The following INPP5A variants were observed in gnomAD, a reference collection of about 807,000 sequenced individuals.
INPP5A encodes 43 kDa inositol polyphosphate 5-phophatase.
A neutral mutation model predicts 65.2 loss-of-function variants in INPP5A; 14 were observed. That is an observed-to-expected ratio of 0.21 (90% confidence interval 0.14 to 0.34). INPP5A has a LOEUF of 0.34. INPP5A is among the 10% of genes least tolerant of loss of function. The pLI is 1.00. For missense variants in INPP5A, 431 were observed against 545.6 expected (o/e 0.79, Z 2.09); for synonymous variants, 207 against 208.3 (o/e 0.99, Z 0.05).
rs569881052 is a variant in INPP5A at position 132,651,938 on chromosome 10, C to A, written c.306+1433C>A. Among the ~76,000 whole-genome samples the A allele has an allele frequency of 7.9e-5, 12 of 152,302 alleles. No homozygotes were observed. Among genetic ancestry groups the A allele is most frequent in the African/African-American group, 2.9e-4 (12 of 41,576 alleles). Reference sequence around the variant, plus strand: ...CTCTCCTCACGCTCTGTGGGGCACACGGGGACCACGGGGCCCCCACTCACA... The same window carrying A: ...CTCTCCTCACGCTCTGTGGGGCACAAGGGGACCACGGGGCCCCCACTCACA... On this transcript the variant is annotated intron_variant, in intron 4 of 15. Transcript: ENST00000368594. The surrounding 1 kb of genome is among the most constrained non-coding windows in gnomAD (Gnocchi z 5.0).
At chr10:132,680,927 G>A (rs2073034545) in intron 4 of INPP5A, among the ~76,000 whole-genome samples, 1 of 152,236 alleles carries the variant, frequency 6.6e-6, no homozygotes, top group Non-Finnish European at 1.5e-5. Flanking sequence ...CCATGCCTGA[G>A]CCTCCCACCC....
intron 1 of INPP5A, among the ~76,000 whole-genome samples, chr10:132,579,108 G>A (rs745862084): frequency 2.6e-5 from 4 of 152,158 alleles, no homozygotes; most frequent in Non-Finnish European, 4.4e-5. Context: ...GGTGCGTGCC[G>A]GGCAGCTGTG....
At chr10:132,713,519 A>G (rs892710825) in intron 8 of INPP5A, among the ~76,000 whole-genome samples, 1 of 152,100 alleles carries the variant, frequency 6.6e-6, no homozygotes, top group Non-Finnish European at 1.5e-5. Flanking sequence ...TAGCGGGTAT[A>G]TGGCCTTGGC....
intron 4 of INPP5A, among the ~76,000 whole-genome samples, chr10:132,672,804 C>T (rs529364312): frequency 6.6e-6 from 1 of 152,326 alleles, no homozygotes; most frequent in African/African-American, 2.4e-5. Flanking sequence ...GACCCCACGC[C>T]TTCCACGCCC....
chr10:132,733,562 G>A (rs145556099), intron 9 of INPP5A, among the ~76,000 whole-genome samples: 3 of 152,294 alleles, frequency 2.0e-5, no homozygotes, highest in African/African-American at 7.2e-5. Flanking sequence ...TTTAAAAAAG[G>A]TTTCTGACTG....
At chr10:132,735,455 G>A (rs1346020949) in intron 9 of INPP5A, among the ~76,000 whole-genome samples, 7 of 152,228 alleles carry the variant, frequency 4.6e-5, no homozygotes, top group African/African-American at 1.4e-4. Context: ...GGGGGCAGGC[G>A]GTGCCCGGTG....
intron 3 of INPP5A, among the ~76,000 whole-genome samples, chr10:132,647,347 T>C (rs903405808): frequency 6.6e-6 from 1 of 152,146 alleles, no homozygotes; most frequent in Admixed American, 6.5e-5. Flanking sequence ...CTCAATCTCC[T>C]GACCTTGTGA....
At chr10:132,619,304 A>C (rs1233509050) in intron 2 of INPP5A, among the ~76,000 whole-genome samples, 1 of 152,240 alleles carries the variant, frequency 6.6e-6, no homozygotes, top group Non-Finnish European at 1.5e-5. Context: ...TAGGGCGGCT[A>C]TTAAATCTTA....
rs560329364 is a variant in INPP5A, at chr10:132,782,080, C to T, written c.*51C>T. On this transcript the variant is annotated 3_prime_UTR_variant, in exon 16 of 16. Coordinates refer to ENST00000368594, the MANE Select transcript of INPP5A (RefSeq NM_005539.5). This position sits in a 1 kb window ranked among gnomAD's most constrained non-coding sequence, Gnocchi z 4.4. ...ACGAGAGGACACTTCGTGAGCCTCC[C>T]TGTAGCCGTGGACCGAATACGCACT... 4 of 1,548,580 alleles carry T rather than the reference C, an allele frequency of 2.6e-6. No individual in the cohort carries two copies. In the Admixed American group the frequency reaches 7.8e-5, roughly 30 times the overall value.
At chr10:132,774,812 G>C (rs1038286642) in intron 12 of INPP5A, among the ~76,000 whole-genome samples, 4 of 148,050 alleles carry the variant, frequency 2.7e-5, no homozygotes, top group African/African-American at 5.0e-5. Context: ...GAGAGGGGCA[G>C]GGAGGAGAGA....
In INPP5A at chr10:132,575,536, G is replaced by T. The variant is rs982120802; in HGVS notation, c.76-32379G>T. ...ATCATTTGGAAACTGGTGAAAAGGG[G>T]AAAGCAATGAGCACTATCCTACTTC... On this transcript the variant is annotated intron_variant, in intron 1 of 15. Coordinates refer to ENST00000368594, the MANE Select transcript of INPP5A (RefSeq NM_005539.5). This position sits in a 1 kb window ranked among gnomAD's most constrained non-coding sequence, Gnocchi z 5.4. Among the ~76,000 whole-genome samples the T allele has an allele frequency of 6.6e-6, 1 of 152,160 alleles. No individual in the cohort carries two copies. The highest frequency in any genetic ancestry group is 1.5e-5 in the Non-Finnish European group (1 of 68,024).
chr10:132,564,723 A>G (rs1282239046), intron 1 of INPP5A, among the ~76,000 whole-genome samples: 1 of 152,222 alleles, frequency 6.6e-6, no homozygotes, highest in Non-Finnish European at 1.5e-5. Context: ...TTGGGTGCCC[A>G]GGCCCTGCCA....
intron 4 of INPP5A, among the ~76,000 whole-genome samples, chr10:132,679,962 A>G (rs2073020844): frequency 6.6e-6 from 1 of 152,234 alleles, no homozygotes; most frequent in Admixed American, 6.5e-5. Context: ...TACAAAGTTA[A>G]CCCAAAATGA....
At chr10:132,564,569 C>T (rs977618530) in intron 1 of INPP5A, among the ~76,000 whole-genome samples, 3 of 152,134 alleles carry the variant, frequency 2.0e-5, no homozygotes, top group African/African-American at 7.2e-5. Flanking sequence ...AATGGAGGGT[C>T]GTTTCCAACA....
intron 4 of INPP5A, among the ~76,000 whole-genome samples, chr10:132,672,567 C>G (rs2072904415): frequency 6.6e-6 from 1 of 152,150 alleles, no homozygotes; most frequent in Admixed American, 6.5e-5. Context: ...TCCTCCTTGC[C>G]TTCTGCCATG....
intron 3 of INPP5A, among the ~76,000 whole-genome samples, chr10:132,647,203 C>T (rs570764935): frequency 6.6e-6 from 1 of 152,038 alleles, no homozygotes; most frequent in African/African-American, 2.4e-5. Context: ...GCAAGCACCG[C>T]CTCCTGGATT....
chr10:132,738,805 G>A (rs182812259), intron 9 of INPP5A, among the ~76,000 whole-genome samples: 54 of 152,320 alleles, frequency 3.5e-4, no homozygotes, highest in Non-Finnish European at 7.1e-4. Flanking sequence ...GGATGCTGAC[G>A]CCAACATCTC....
At chr10:132,765,955 T>TGAGTGTGTGCATTCTGTGTGCATCCA in intron 12 of INPP5A, 109 bp downstream of exon 12, 1 of 732,636 alleles carries the variant, frequency 1.4e-6, no homozygotes, top group South Asian at 1.5e-5. Context: ...GTGCTGGGCA[T>TGAGTGTGTGCATTCTGTGTGCATCCA]GAGTGTGTGC....
At chr10:132,560,232 C>A (rs2071185282) in intron 1 of INPP5A, among the ~76,000 whole-genome samples, 1 of 151,944 alleles carries the variant, frequency 6.6e-6, no homozygotes, top group Non-Finnish European at 1.5e-5. Flanking sequence ...CGGGTGTAGA[C>A]CTGCTTGTGG....
Sources: allele counts gnomAD v4.1 joint callset (sites outside exome capture counted in the v4.1 genomes callset), GRCh38; gene constraint gnomAD v4.1.1; non-coding constraint Gnocchi (gnomAD v3.1); transcripts MANE v1.5; gene names NCBI Gene and HGNC (gene_info 2026-07-23, HGNC 2026-07-21).